Variants in FBXL17 observed in about 807,000 individuals in gnomAD.
FBXL17 encodes F-box/LRR-repeat protein 17.
Under a neutral mutation model 66.2 loss-of-function variants are expected in FBXL17, and 22 were observed. That is an observed-to-expected ratio of 0.33 (90% CI 0.24 to 0.47). FBXL17 has a LOEUF of 0.47. FBXL17 is among the 20% of genes least tolerant of loss of function. The probability of loss-of-function intolerance (pLI) is 1.00; values close to 1 mark genes in which losing one functional copy is unlikely to be tolerated. For missense variants in FBXL17, 878 were observed against 948.2 expected, an observed-to-expected ratio of 0.93 and a Z score of 0.97; for synonymous variants, 474 against 400.5, an observed-to-expected ratio of 1.18 and a Z score of -2.19.
At position 107,901,922 on chromosome 5, in the gene FBXL17, C is replaced by T. The variant is rs147691411; in HGVS notation, c.1823-20743G>A. ...TGCAGTCAGTTTAAATTCCCAAGAACGAATACCTTTTAGGAATGTAGCTGC... is the reference window on the plus strand; with the variant it reads ...TGCAGTCAGTTTAAATTCCCAAGAATGAATACCTTTTAGGAATGTAGCTGC... On this transcript the variant is annotated intron_variant, in intron 7 of 8. Transcript: ENST00000542267. Among the ~76,000 whole-genome samples, 831 of 152,220 alleles carry T rather than the reference C, an allele frequency of 5.5e-3. 9 individuals are homozygous for T. Among genetic ancestry groups the T allele is most frequent in the African/African-American group, 0.018 (738 of 41,524 alleles).
chr5:108,300,982 A>C (rs1490797517), intron 4 of FBXL17, among the ~76,000 whole-genome samples: 1 of 151,864 alleles, frequency 6.6e-6, no homozygotes, highest in Admixed American at 6.6e-5. Flanking sequence ...CACAGAGAAT[A>C]AAATATAGTA....
chr5:108,212,259 T>C lies in FBXL17; in HGVS notation c.1614+11862A>G, dbSNP rs547830482. On this transcript the variant is annotated intron_variant, in intron 5 of 8. Coordinates refer to ENST00000542267, the MANE Select transcript of FBXL17 (RefSeq NM_001163315.3). ...CCTTTTTTCAAGGTTCTTAGCTTCCTTGCATTAAGTTAGAACCTGCTCCTT... is the reference window on the plus strand; with the variant it reads ...CCTTTTTTCAAGGTTCTTAGCTTCCCTGCATTAAGTTAGAACCTGCTCCTT... Among the ~76,000 whole-genome samples the C allele has an allele frequency of 1.1e-4, 17 of 152,310 alleles. No individual in the cohort carries two copies. In the South Asian group the frequency reaches 2.1e-3, roughly 19 times the overall value.
At position 108,283,031 on chromosome 5, in the gene FBXL17, T is replaced by G. The variant is rs896990953; in HGVS notation, c.1507-58803A>C. ...ATGACAAAAATGAGAAAACAGCCCA[T>G]GCTCACAGATCAAATGAATTAATAT... On this transcript the variant is annotated intron_variant, in intron 4 of 8. Coordinates refer to ENST00000542267, the MANE Select transcript of FBXL17 (RefSeq NM_001163315.3). 2.0e-5 allele frequency among the ~76,000 whole-genome samples: 3 copies of G among 151,640 alleles called. No individual in the cohort carries two copies. The East Asian group carries it at 5.8e-4, about 29-fold the overall frequency.
At chr5:108,021,138 C>T in intron 6 of FBXL17, 137 bp from the exon 7 acceptor site, 1 of 579,240 alleles carries the variant, frequency 1.7e-6, no homozygotes, top group South Asian at 2.6e-5. Flanking sequence ...ATTATATTCC[C>T]TGCTTTAAAG....
At chr5:107,960,918 T>C (rs1166319752) in intron 7 of FBXL17, among the ~76,000 whole-genome samples, 1 of 152,110 alleles carries the variant, frequency 6.6e-6, no homozygotes, top group East Asian at 1.9e-4. Flanking sequence ...AAGTATACAT[T>C]TTCAGTAGAG....
chr5:108,154,682 T>C (rs961143856), intron 6 of FBXL17, among the ~76,000 whole-genome samples: 9 of 141,708 alleles, frequency 6.4e-5, no homozygotes, highest in African/African-American at 2.1e-4. Flanking sequence ...TGTATATATA[T>C]ACACATATAT....
chr5:108,376,278 C>T (rs114738016), intron 1 of FBXL17, among the ~76,000 whole-genome samples: 3 of 152,052 alleles, frequency 2.0e-5, no homozygotes, highest in Admixed American at 2.0e-4. Context: ...CTGGCTAGGG[C>T]AATTAGACAT....
At chr5:108,198,310 T>C (rs771949575) in intron 5 of FBXL17, among the ~76,000 whole-genome samples, 7 of 152,092 alleles carry the variant, frequency 4.6e-5, no homozygotes, top group Non-Finnish European at 5.9e-5. Context: ...CCCCAACCCA[T>C]GCTCCAAAGT....
At chr5:108,348,692 T>C (rs1023163111) in intron 3 of FBXL17, among the ~76,000 whole-genome samples, 162 bp from the exon 4 acceptor site, 3 of 152,238 alleles carry the variant, frequency 2.0e-5, no homozygotes, top group African/African-American at 4.8e-5. Flanking sequence ...CTTAAAACAG[T>C]ACTGTATAAA....
intron 6 of FBXL17, among the ~76,000 whole-genome samples, chr5:108,120,387 A>G (rs1750438549): frequency 6.6e-6 from 1 of 152,234 alleles, no homozygotes; most frequent in South Asian, 2.1e-4. Flanking sequence ...AGAAAACAAT[A>G]AAAAACCATT....
intron 6 of FBXL17, among the ~76,000 whole-genome samples, chr5:108,170,496 T>C (rs1752567204): frequency 6.6e-6 from 1 of 152,206 alleles, no homozygotes; most frequent in Non-Finnish European, 1.5e-5. Context: ...AGTACCATTA[T>C]TACATATATA....
At chr5:108,376,886 A>G (rs754298055) in intron 1 of FBXL17, among the ~76,000 whole-genome samples, 1 of 151,332 alleles carries the variant, frequency 6.6e-6, no homozygotes, top group Non-Finnish European at 1.5e-5. Context: ...CACGGGTTCA[A>G]GCTGGGATTA....
chr5:108,209,723 T>C (rs1039824053), intron 5 of FBXL17, among the ~76,000 whole-genome samples: 8 of 152,230 alleles, frequency 5.3e-5, no homozygotes, highest in African/African-American at 1.7e-4. Context: ...AGTATTTTAT[T>C]GAGGATTTTC....
At chr5:108,317,135 C>G (rs1240466650) in intron 4 of FBXL17, among the ~76,000 whole-genome samples, 1 of 151,128 alleles carries the variant, frequency 6.6e-6, no homozygotes, top group Non-Finnish European at 1.5e-5. Context: ...TCTTAGCTTT[C>G]TTCTGTATTA....
At chr5:108,154,628 C>CAA (rs1751909888) in intron 6 of FBXL17, among the ~76,000 whole-genome samples, 1 of 100,708 alleles carries the variant, frequency 9.9e-6, no homozygotes, top group Admixed American at 8.9e-5. Context: ...CACACACACA[C>CAA]ACACACACAC....
intron 6 of FBXL17, among the ~76,000 whole-genome samples, chr5:108,083,554 C>T (rs1748856832): frequency 6.8e-6 from 1 of 146,602 alleles, no homozygotes; most frequent in Admixed American, 7.0e-5. Context: ...TGCATCCCAC[C>T]ATATTTTTTG....
intron 7 of FBXL17, among the ~76,000 whole-genome samples, chr5:107,921,916 G>A (rs1750335941): frequency 6.6e-6 from 1 of 152,136 alleles, no homozygotes; most frequent in Non-Finnish European, 1.5e-5. Context: ...AGTATTGCTG[G>A]GAGCCAGCAG....
At chr5:107,862,979 T>C (rs555945026) in intron 8 of FBXL17, among the ~76,000 whole-genome samples, 4 of 151,650 alleles carry the variant, frequency 2.6e-5, no homozygotes, top group Non-Finnish European at 5.9e-5. Flanking sequence ...TATTTCAACA[T>C]TGTGTTGATG....
chr5:108,191,847 A>G (rs1753482232), intron 5 of FBXL17, among the ~76,000 whole-genome samples: 1 of 152,220 alleles, frequency 6.6e-6, no homozygotes, highest in Non-Finnish European at 1.5e-5. Flanking sequence ...AAACAGGTTT[A>G]CTTGAGCTCT....
Sources: gnomAD v4.1 joint callset for allele counts (sites outside exome capture counted in the v4.1 genomes callset) on GRCh38, gnomAD v4.1.1 for gene constraint, MANE v1.5 for transcripts, NCBI Gene and HGNC (gene_info 2026-07-23, HGNC 2026-07-21) for gene names.